WWOX: variants seen among roughly 807,000 people sequenced by gnomAD.
The protein encoded by WWOX is WW domain containing oxidoreductase.
In WWOX, 69 loss-of-function variants were observed where a neutral mutation model predicts 46.2. The observed-to-expected ratio is 1.49, with a 90% CI of 1.23 to 1.82. The LOEUF (loss-of-function observed/expected upper bound fraction) is 1.82, where lower values mean the gene tolerates loss of function less well. Ranked by LOEUF, WWOX falls within the 40% of genes most tolerant of loss-of-function variation. The pLI, the probability that WWOX is intolerant of heterozygous loss-of-function variation, is 0.00. For synonymous variants in WWOX, 359 were observed against 202.6 expected (o/e 1.77, Z -6.56); for missense variants, 919 against 542.6 (o/e 1.69, Z -6.89).
chr16:78,658,421 T>G (rs539535719), intron 8 of WWOX, among the ~76,000 whole-genome samples: 1 of 152,310 alleles, frequency 6.6e-6, no homozygotes, highest in Non-Finnish European at 1.5e-5. Context: ...TAGTGTAGTT[T>G]CCCAGGGCTT....
chr16:78,952,625 C>T (rs950272535), intron 8 of WWOX, among the ~76,000 whole-genome samples: 1 of 152,110 alleles, frequency 6.6e-6, no homozygotes, highest in Non-Finnish European at 1.5e-5. Context: ...CTCAAGTGAT[C>T]TGTCCACCTC....
At chr16:78,676,228 A>G (rs2047596093) in intron 8 of WWOX, among the ~76,000 whole-genome samples, 1 of 151,678 alleles carries the variant, frequency 6.6e-6, no homozygotes, top group Non-Finnish European at 1.5e-5. Context: ...AAGCAGAAGA[A>G]GCGGGATGCT....
chr16:78,320,392 A>G (rs1341879816), intron 5 of WWOX, among the ~76,000 whole-genome samples: 3 of 152,212 alleles, frequency 2.0e-5, no homozygotes, highest in Non-Finnish European at 4.4e-5. Context: ...GTGAACTCCA[A>G]GTAGACGGTT....
At chr16:79,007,763 T>C (rs2047218844) in intron 8 of WWOX, among the ~76,000 whole-genome samples, 1 of 152,190 alleles carries the variant, frequency 6.6e-6, no homozygotes, top group Non-Finnish European at 1.5e-5. Context: ...GAGAGCTCTT[T>C]CTCGGATACC....
At chr16:78,505,755 C>T (rs942654242) in intron 8 of WWOX, among the ~76,000 whole-genome samples, 10 of 152,282 alleles carry the variant, frequency 6.6e-5, no homozygotes, top group African/African-American at 2.4e-4. Flanking sequence ...AAACCCCAAG[C>T]ATTTGGCCAG....
At chr16:78,578,657 C>A (rs1035872146) in intron 8 of WWOX, among the ~76,000 whole-genome samples, 1 of 152,052 alleles carries the variant, frequency 6.6e-6, no homozygotes, top group African/African-American at 2.4e-5. Context: ...GATACATAGG[C>A]AGTTGTTATG....
Position 78,338,191 on chromosome 16 carries a change from T to A in WWOX, c.517-48669T>A, listed in dbSNP as rs74558424. Among the ~76,000 whole-genome samples, 2 of 119,756 alleles carry A rather than the reference T, an allele frequency of 1.7e-5. 1 individual carries two copies. The highest frequency in any genetic ancestry group is 1.6e-4 in the Admixed American group (2 of 12,344). 78.6% of individuals were successfully genotyped at this position (119,756 alleles called of 152,430 possible). ...GGAAACAAACTTTTAAAAAAATTAATTTTGTGAATTAAATAAAGCAGCATG... is the reference window on the plus strand; with the variant it reads ...GGAAACAAACTTTTAAAAAAATTAAATTTGTGAATTAAATAAAGCAGCATG... On this transcript the variant is annotated intron_variant, in intron 5 of 8. Transcript: ENST00000566780.
chr16:78,470,096 G>C (rs1235458901), intron 8 of WWOX, among the ~76,000 whole-genome samples: 1 of 152,226 alleles, frequency 6.6e-6, no homozygotes, highest in Non-Finnish European at 1.5e-5. Context: ...TCTCTTCCAA[G>C]TGGTAACCCA....
intron 8 of WWOX, among the ~76,000 whole-genome samples, chr16:78,604,346 T>C (rs1221760655): frequency 2.0e-5 from 3 of 152,096 alleles, no homozygotes; most frequent in Non-Finnish European, 4.4e-5. Flanking sequence ...ATGAATGCTT[T>C]AGTGTGGCAG....
At chr16:78,584,275 G>T (rs1057305225) in intron 8 of WWOX, among the ~76,000 whole-genome samples, 2 of 152,172 alleles carry the variant, frequency 1.3e-5, no homozygotes, top group Non-Finnish European at 2.9e-5. Context: ...CTTTACATCA[G>T]TTATTCCCAA....
intron 8 of WWOX, among the ~76,000 whole-genome samples, chr16:78,766,525 C>G (rs1433042817): frequency 2.0e-5 from 3 of 152,130 alleles, no homozygotes; most frequent in African/African-American, 7.2e-5. Flanking sequence ...GAGGTGGAGG[C>G]TGAAGTGAGC....
intron 8 of WWOX, among the ~76,000 whole-genome samples, chr16:78,762,098 C>T (rs1597567761): frequency 6.6e-6 from 1 of 152,130 alleles, no homozygotes; most frequent in African/African-American, 2.4e-5. Flanking sequence ...GATGTAACTG[C>T]CCACAGTAAT....
At chr16:78,881,667 T>G (rs1213374754) in intron 8 of WWOX, among the ~76,000 whole-genome samples, 2 of 152,190 alleles carry the variant, frequency 1.3e-5, no homozygotes, top group Non-Finnish European at 2.9e-5. Flanking sequence ...TAAATACAGA[T>G]AGACAATATT....
chr16:78,587,707 C>G (rs901748973), intron 8 of WWOX, among the ~76,000 whole-genome samples: 1 of 152,114 alleles, frequency 6.6e-6, no homozygotes, highest in Admixed American at 6.5e-5. Flanking sequence ...GATGGCTTGA[C>G]TGTGGCCTTC....
intron 4 of WWOX, among the ~76,000 whole-genome samples, chr16:78,148,287 G>C (rs1019716254): frequency 2.0e-5 from 3 of 152,106 alleles, no homozygotes; most frequent in African/African-American, 7.2e-5. Context: ...TGAGACCATG[G>C]GTGTGTGTGT....
chr16:78,437,969 A>T (rs965840913), intron 8 of WWOX, among the ~76,000 whole-genome samples: 4 of 152,168 alleles, frequency 2.6e-5, no homozygotes, highest in South Asian at 2.1e-4. Context: ...CTATATTTAT[A>T]TATACATATT....
intron 6 of WWOX, among the ~76,000 whole-genome samples, chr16:78,402,058 T>G (rs1189937836): frequency 1.3e-5 from 2 of 152,194 alleles, no homozygotes; most frequent in African/African-American, 2.4e-5. Context: ...CAAAGTTACG[T>G]TACCATTACC....
At chr16:79,205,847 G>A (rs928834825) in intron 8 of WWOX, 19 of 152,176 alleles carry the variant, frequency 1.2e-4, no homozygotes, top group African/African-American at 2.4e-5. Flanking sequence ...CTGCAAACCT[G>A]ATGAAACACT....
chr16:79,041,522 A>T (rs1288400082), intron 8 of WWOX, among the ~76,000 whole-genome samples: 1 of 152,108 alleles, frequency 6.6e-6, no homozygotes, highest in Non-Finnish European at 1.5e-5. Flanking sequence ...AGTCCGCAGA[A>T]CTCATCAGCT....
Sources: allele counts gnomAD v4.1 joint callset (sites outside exome capture counted in the v4.1 genomes callset), GRCh38; gene constraint gnomAD v4.1.1; transcripts MANE v1.5; gene names NCBI Gene and HGNC (gene_info 2026-07-23, HGNC 2026-07-21).